Variants in ABCB5 observed in about 807,000 individuals in gnomAD.
ABCB5 encodes the protein ATP-binding cassette sub-family B member 5.
A neutral mutation model predicts 144.2 loss-of-function variants in ABCB5; 155 were observed. That is an observed-to-expected ratio of 1.08 (90% CI 0.94 to 1.23). ABCB5 has a LOEUF of 1.23. Ranked by LOEUF, ABCB5 falls within the 50% of genes most tolerant of loss-of-function variation. The pLI is 0.00. For synonymous variants in ABCB5, 610 were observed against 528.6 expected (o/e 1.15, Z -2.11); for missense variants, 1,830 against 1,520.8 (o/e 1.20, Z -3.38).
Position 20,700,121 on chromosome 7 carries a change from GC to G in ABCB5, c.2325del (p.Met776CysfsTer19), listed in dbSNP as rs1277190787. Reference sequence around the variant, plus strand: ...GAGATTAAGACACTTGGCCTTCAAAGCCATGTTATATCAGGTCAGTGATAAG... The same window carrying G: ...GAGATTAAGACACTTGGCCTTCAAAGCATGTTATATCAGGTCAGTGATAAG... Reference protein sequence around the residue: ...TMRLRHLAFKAMLYQDIAWFD... With the variant: ...TMRLRHLAFKXMLYQDIAWFD... On this transcript the variant is annotated frameshift_variant, in exon 19 of 28. Transcript: ENST00000404938. LOFTEE classifies it high-confidence loss of function. The G allele has an allele frequency of 4.3e-6, 7 of 1,611,980 alleles. No individual in the cohort carries two copies. Among genetic ancestry groups the G allele is most frequent in the Non-Finnish European group, 5.9e-6 (7 of 1,179,126 alleles).
intron 5 of ABCB5, among the ~76,000 whole-genome samples, chr7:20,638,911 G>C (rs564285226): frequency 9.9e-5 from 15 of 152,080 alleles, no homozygotes; most frequent in Non-Finnish European, 1.8e-4. Context: ...GTAAATTTAG[G>C]TTTGTCTCTT....
chr7:20,754,532 C>G (rs980114487), intron 27 of ABCB5, among the ~76,000 whole-genome samples: 3 of 152,110 alleles, frequency 2.0e-5, no homozygotes, highest in African/African-American at 7.2e-5. Flanking sequence ...ATGTATTCAA[C>G]AAATATGGGT....
intron 23 of ABCB5, among the ~76,000 whole-genome samples, chr7:20,733,755 C>T (rs113588235): frequency 0.21 from 31,455 of 151,898 alleles, 3,369 homozygotes; most frequent in African/African-American, 0.21. Context: ...TCTCCCACCT[C>T]AGCCTCCTGA....
intron 14 of ABCB5, among the ~76,000 whole-genome samples, chr7:20,678,275 G>A (rs926559624): frequency 7.2e-5 from 11 of 152,032 alleles, no homozygotes; most frequent in Admixed American, 5.2e-4. Flanking sequence ...CCAATGCTTT[G>A]GGAGGTTCCC....
At chr7:20,671,273 G>A (rs1313538933) in intron 14 of ABCB5, among the ~76,000 whole-genome samples, 1 of 152,072 alleles carries the variant, frequency 6.6e-6, no homozygotes, top group Non-Finnish European at 1.5e-5. Flanking sequence ...ATGACCAACT[G>A]GGCTGCTGAA....
intron 21 of ABCB5, among the ~76,000 whole-genome samples, chr7:20,726,351 C>T (rs1464013992): frequency 7.6e-6 from 1 of 131,950 alleles, no homozygotes; most frequent in Non-Finnish European, 1.6e-5. Context: ...TACTTTATCT[C>T]TGCTATCTTT....
chr7:20,675,359 C>T (rs1785568056), intron 14 of ABCB5, among the ~76,000 whole-genome samples: 1 of 149,270 alleles, frequency 6.7e-6, no homozygotes. Context: ...AATCAACTGA[C>T]CTTTGACAAG....
intron 5 of ABCB5, among the ~76,000 whole-genome samples, chr7:20,638,349 T>A (rs753860725): frequency 7.2e-5 from 11 of 151,948 alleles, no homozygotes; most frequent in Non-Finnish European, 1.6e-4. Context: ...GTTTATATTA[T>A]TTTTAATATC....
At chr7:20,689,065 A>C (rs1019047285) in intron 16 of ABCB5, among the ~76,000 whole-genome samples, 1 of 152,162 alleles carries the variant, frequency 6.6e-6, no homozygotes, top group Non-Finnish European at 1.5e-5. Flanking sequence ...ATGTATACAT[A>C]TGTAACAAAC....
intron 13 of ABCB5, among the ~76,000 whole-genome samples, chr7:20,655,548 A>T (rs2128028286): frequency 6.6e-6 from 1 of 152,300 alleles, no homozygotes; most frequent in South Asian, 2.1e-4. Flanking sequence ...AAATTAAAAT[A>T]AAAAGCAGTA....
chr7:20,709,970 G>A (rs890038779), intron 20 of ABCB5, among the ~76,000 whole-genome samples: 2 of 148,494 alleles, frequency 1.3e-5, no homozygotes, highest in Non-Finnish European at 3.0e-5. Context: ...AGCCACTCGG[G>A]AGGCTGAAGG....
chr7:20,643,502 C>T lies in ABCB5; in HGVS notation c.548C>T (p.Ala183Val). ...AGTGATGGTATTGGAGATAAGATTG[C>T]TCTGTTGTTTCAAAACATGTCTACT... Reference protein sequence around the residue: ...KISDGIGDKIALLFQNMSTFS... With the variant: ...KISDGIGDKIVLLFQNMSTFS... The change falls in exon 7 of 28, where the codon GCT becomes GTT. Residue 183 changes from alanine (A) to valine (V), a missense_variant. Coordinates refer to ENST00000404938, the MANE Select transcript of ABCB5 (RefSeq NM_001163941.2). 3 of 1,613,992 alleles carry T rather than the reference C, an allele frequency of 1.9e-6. No individual in the cohort carries two copies. The highest frequency in any genetic ancestry group is 3.3e-4 in the Middle Eastern group (2 of 6,062).
chr7:20,713,344 C>T (rs1277332957), intron 20 of ABCB5, among the ~76,000 whole-genome samples: 1 of 149,044 alleles, frequency 6.7e-6, no homozygotes, highest in East Asian at 2.0e-4. Flanking sequence ...TCAAGCAATC[C>T]TCCTGCCTCA....
At chr7:20,697,961 C>T (rs528229383) in intron 16 of ABCB5, among the ~76,000 whole-genome samples, 127 of 152,324 alleles carry the variant, frequency 8.3e-4, no homozygotes, top group African/African-American at 2.8e-3. Context: ...CATCTTGAAA[C>T]TTTCCAACTT....
chr7:20,754,923 GT>G (rs1783039200), intron 27 of ABCB5, among the ~76,000 whole-genome samples: 1 of 151,680 alleles, frequency 6.6e-6, no homozygotes, highest in Non-Finnish European at 1.5e-5. Flanking sequence ...TCCACTGAAA[GT>G]CTTACATAAT....
At chr7:20,678,545 G>A (rs773981448) in intron 14 of ABCB5, among the ~76,000 whole-genome samples, 3 of 152,136 alleles carry the variant, frequency 2.0e-5, no homozygotes, top group Non-Finnish European at 4.4e-5. Flanking sequence ...AATACTAGCT[G>A]TCGATTGTTG....
chr7:20,635,840 C>A (rs75277359), intron 5 of ABCB5, among the ~76,000 whole-genome samples: 16,079 of 152,118 alleles, frequency 0.11, 1,117 homozygotes, highest in Non-Finnish European at 0.15. Flanking sequence ...ACCATATCAT[C>A]AGCAAATAAA....
chr7:20,617,870 A>C (rs1417969639), intron 1 of ABCB5, among the ~76,000 whole-genome samples: 1 of 152,206 alleles, frequency 6.6e-6, no homozygotes, highest in East Asian at 1.9e-4. Flanking sequence ...AAGAGACAAC[A>C]AAGAACATTA....
At chr7:20,728,512 G>C in intron 23 of ABCB5, 57 bp downstream of exon 23, 1 of 1,579,528 alleles carries the variant, frequency 6.3e-7, no homozygotes, top group Non-Finnish European at 8.6e-7. Context: ...CCAACACTTT[G>C]AGAGGCTGAG....
Sources: allele counts gnomAD v4.1 joint callset (sites outside exome capture counted in the v4.1 genomes callset), GRCh38; gene constraint gnomAD v4.1.1; transcripts MANE v1.5; gene names NCBI Gene and HGNC (gene_info 2026-07-23, HGNC 2026-07-21).